GRIN2B: variants seen among roughly 807,000 people sequenced by gnomAD.
GRIN2B encodes the protein glutamate receptor ionotropic, NMDA 2B.
In GRIN2B, 5 loss-of-function variants were observed where a neutral mutation model predicts 114.5. The observed-to-expected ratio is 0.04, with a 90% CI of 0.02 to 0.09. The LOEUF (loss-of-function observed/expected upper bound fraction) is 0.09. Among genes scored for constraint, GRIN2B ranks in the 10% least tolerant of loss-of-function variants. The probability of loss-of-function intolerance (pLI) is 1.00; values close to 1 mark genes in which losing one functional copy is unlikely to be tolerated. For synonymous variants in GRIN2B, 787 were observed against 745.1 expected (o/e 1.06, Z -0.92); for missense variants, 1,108 against 1,943.5 (o/e 0.57, Z 8.08).
At chr12:13,659,349 G>A (rs1260730353) in intron 5 of GRIN2B, among the ~76,000 whole-genome samples, 3 of 151,820 alleles carry the variant, frequency 2.0e-5, no homozygotes, top group Non-Finnish European at 2.9e-5. Context: ...CATCACTCTC[G>A]CAGCCACCTC....
intron 10 of GRIN2B, among the ~76,000 whole-genome samples, chr12:13,605,056 C>G (rs909869311): frequency 3.8e-4 from 57 of 149,780 alleles, no homozygotes; most frequent in Non-Finnish European, 4.3e-4. Flanking sequence ...CTCTCTTCCT[C>G]TCTCCCCACA....
intron 3 of GRIN2B, among the ~76,000 whole-genome samples, chr12:13,862,971 A>G (rs1254785589): frequency 6.6e-6 from 1 of 152,164 alleles, no homozygotes; most frequent in Non-Finnish European, 1.5e-5. Context: ...CTTACCTTTT[A>G]GAAACTATTC....
chr12:13,949,064 G>A (rs1867424729), intron 2 of GRIN2B, among the ~76,000 whole-genome samples: 1 of 152,190 alleles, frequency 6.6e-6, no homozygotes, highest in African/African-American at 2.4e-5. Flanking sequence ...CCCTGCAGCA[G>A]GTGATAGCAG....
At chr12:13,867,252 C>A (rs1431771272) in intron 2 of GRIN2B, among the ~76,000 whole-genome samples, 1 of 152,128 alleles carries the variant, frequency 6.6e-6, no homozygotes, top group Non-Finnish European at 1.5e-5. Context: ...AATTTGCCAC[C>A]TTTTACCTAC....
intron 4 of GRIN2B, among the ~76,000 whole-genome samples, chr12:13,727,748 G>T (rs960736556): frequency 6.6e-6 from 1 of 152,200 alleles, no homozygotes; most frequent in Non-Finnish European, 1.5e-5. Flanking sequence ...TGTGATCACT[G>T]CTGGGAAGAG....
At chr12:13,742,446 T>G (rs1274327630) in intron 4 of GRIN2B, among the ~76,000 whole-genome samples, 1 of 152,228 alleles carries the variant, frequency 6.6e-6, no homozygotes, top group Non-Finnish European at 1.5e-5. Flanking sequence ...TTTTTTTGTT[T>G]TTGAGACAGA....
At chr12:13,975,344 C>T (rs908835886) in intron 2 of GRIN2B, among the ~76,000 whole-genome samples, 18 of 152,180 alleles carry the variant, frequency 1.2e-4, no homozygotes, top group Admixed American at 1.1e-3. Context: ...TTTTAATATA[C>T]GATAAAGTTA....
At chr12:13,625,465 C>A (rs1208352761) in intron 5 of GRIN2B, among the ~76,000 whole-genome samples, 1 of 152,134 alleles carries the variant, frequency 6.6e-6, no homozygotes, top group Non-Finnish European at 1.5e-5. Context: ...AGCTGTGTGA[C>A]CTTGCATGAA....
intron 2 of GRIN2B, among the ~76,000 whole-genome samples, chr12:13,899,389 G>GCATATGATCTCACAT (rs1866406977): frequency 6.8e-6 from 1 of 146,604 alleles, no homozygotes. Flanking sequence ...AAAAGGAAGT[G>GCATATGATCTCACAT]GGTCAGTGTC....
intron 2 of GRIN2B, among the ~76,000 whole-genome samples, chr12:13,944,138 T>C (rs747656927): frequency 6.6e-6 from 1 of 152,198 alleles, no homozygotes; most frequent in East Asian, 1.9e-4. Flanking sequence ...ATTTCATCCA[T>C]TTCTGTCTAG....
intron 1 of GRIN2B, among the ~76,000 whole-genome samples, chr12:13,980,779 C>T (rs1270037199): frequency 6.6e-6 from 1 of 152,228 alleles, no homozygotes; most frequent in Admixed American, 6.5e-5. Context: ...ACTTGTCTCG[C>T]TCGCTCTCCC....
At chr12:13,725,138 C>G (rs1350025180) in intron 4 of GRIN2B, among the ~76,000 whole-genome samples, 1 of 152,094 alleles carries the variant, frequency 6.6e-6, no homozygotes, top group Non-Finnish European at 1.5e-5. Flanking sequence ...AATCTCTGCT[C>G]TTTATTTCTC....
intron 2 of GRIN2B, among the ~76,000 whole-genome samples, chr12:13,882,005 T>C (rs1226443135): frequency 6.6e-6 from 1 of 152,172 alleles, no homozygotes; most frequent in East Asian, 1.9e-4. Context: ...CATTCTTCTA[T>C]CATCCTGTGC....
chr12:13,754,798 T>G (rs1744502278), intron 3 of GRIN2B, among the ~76,000 whole-genome samples: 1 of 152,184 alleles, frequency 6.6e-6, no homozygotes, highest in African/African-American at 2.4e-5. Flanking sequence ...TGGTTTGACC[T>G]GGGCATTGCA....
chr12:13,621,948 GC>G (rs1252240321), intron 5 of GRIN2B, among the ~76,000 whole-genome samples: 1 of 151,632 alleles, frequency 6.6e-6, no homozygotes, highest in East Asian at 1.9e-4. Flanking sequence ...CTCTCTGAAA[GC>G]CCCCACGTTT....
rs201247892 is a variant in GRIN2B, at chr12:13,563,044, G to A, written c.4194C>T (p.Leu1398=). 212 of 1,614,044 alleles carry A rather than the reference G, an allele frequency of 1.3e-4. No homozygotes were observed. The highest frequency in any genetic ancestry group is 1.7e-4 in the Non-Finnish European group (206 of 1,180,026). ...IPTFGDDQCL[L]HGSKSYFFRQ... The stretch of plus-strand genomic sequence containing the variant: ...TGAAGAAGTAGGATTTGCTGCCATG[G>A]AGCAAGCACTGGTCGTCCCCAAAAG... Residue 1398 remains leucine, a synonymous_variant, in exon 14 of 14, where the codon CTC becomes CTT. Transcript: ENST00000609686.
At chr12:13,795,894 G>T (rs1289285132) in intron 3 of GRIN2B, among the ~76,000 whole-genome samples, 1 of 152,032 alleles carries the variant, frequency 6.6e-6, no homozygotes, top group Non-Finnish European at 1.5e-5. Flanking sequence ...AGAACACGTG[G>T]ACAAAGGGCG....
chr12:13,825,496 T>TTGTGTGTGTGTGTG (rs55893904), intron 3 of GRIN2B, among the ~76,000 whole-genome samples: 4,759 of 122,846 alleles, frequency 0.039, 185 homozygotes, highest in Middle Eastern at 0.053. Context: ...TATATATATT[T>TTGTGTGTGTGTGTG]TGTGTGTGTG....
At chr12:13,816,496 G>C (rs1864826227) in intron 3 of GRIN2B, among the ~76,000 whole-genome samples, 1 of 152,102 alleles carries the variant, frequency 6.6e-6, no homozygotes, top group African/African-American at 2.4e-5. Flanking sequence ...TCACAGTTTG[G>C]ATAAGATACC....
Sources: allele counts gnomAD v4.1 joint callset (sites outside exome capture counted in the v4.1 genomes callset), GRCh38; gene constraint gnomAD v4.1.1; transcripts MANE v1.5; gene names NCBI Gene and HGNC (gene_info 2026-07-23, HGNC 2026-07-21).